Variants in OR51B2 observed in about 807,000 individuals in gnomAD.
The protein encoded by OR51B2 is olfactory receptor 51B2.
For synonymous variants in OR51B2, 158 were observed against 135.3 expected (o/e 1.17, Z -1.16); for missense variants, 463 against 380.1 (o/e 1.22, Z -1.81).
chr11:5,323,544 T>G lies in OR51B2; in HGVS notation c.754A>C (p.Thr252Pro), dbSNP rs1564906285. ...HISCVLIFYV[T>P]VMGLTFIYRF... ...TAAATGAATGTCAAACCCATCACTG[T>G]AACATAGAAGATAAGAACACAACTA... The change falls in exon 1 of 1, where the codon ACA becomes CCA. Residue 252 changes from threonine to proline, a missense_variant. Coordinates refer to ENST00000624187, the MANE Select transcript of OR51B2 (RefSeq NM_033180.5). 1.2e-6 allele frequency: 2 copies of G among 1,613,536 alleles called. No homozygotes were observed. Among genetic ancestry groups the G allele is most frequent in the Non-Finnish European group, 1.7e-6 (2 of 1,179,664 alleles).
chr11:5,324,018 C>G lies in OR51B2; in HGVS notation c.280G>C (p.Gly94Arg), dbSNP rs1296066063. 2 of 1,613,862 alleles carry G rather than the reference C, an allele frequency of 1.2e-6. No individual in the cohort carries two copies. The highest frequency in any genetic ancestry group is 2.2e-5 in the East Asian group (1 of 44,864). The change falls in exon 1 of 1, where the codon GGC becomes CGC. Residue 94 changes from glycine (G) to arginine (R), a missense_variant. Gly to Arg is a moderately radical substitution (Grantham distance 125, BLOSUM62 -2). Transcript: ENST00000624187. Reference sequence around the variant, plus strand: ...ATAAAGTAAGCCTGTAGGAAGCAGCCCACACTGCTAATCTCCCTGTGATTC... The same window carrying G: ...ATAAAGTAAGCCTGTAGGAAGCAGCGCACACTGCTAATCTCCCTGTGATTC... ...WVNHREISSVGCFLQAYFIHS... is the reference protein window; with the variant it reads ...WVNHREISSVRCFLQAYFIHS...
Position 5,323,794 on chromosome 11 carries a change from T to C in OR51B2, c.504A>G (p.Lys168=). The change falls in exon 1 of 1, where the codon AAA becomes AAG. Residue 168 remains lysine, a synonymous_variant. Transcript: ENST00000624187. ...AGAAAGCACGTGTGATAACATGAGA[T>C]TTGCAATATGAAAATGAAAAAAGAC... The part of the protein sequence containing the change: ...ILRLFSFSYC[K]SHVITRAFCL... 1 of 1,613,756 alleles carries C rather than the reference T, an allele frequency of 6.2e-7. No homozygotes were observed. The highest frequency in any genetic ancestry group is 8.5e-7 in the Non-Finnish European group (1 of 1,179,928).
Position 5,323,614 on chromosome 11 carries a change from AGAAGCAATGCCTAT to A in OR51B2, c.670_683del (p.Ile224TrpfsTer2). On this transcript the variant is annotated frameshift_variant, in exon 1 of 1. Transcript: ENST00000624187. LOFTEE classifies it low-confidence loss of function (END_TRUNC). The stretch of plus-strand genomic sequence containing the variant: ...TGAGGGCTTTGGCTCTCTCTTCACC[AGAAGCAATGCCTAT>A]GACAGTATTAAGAATTAGAATATAG... The A allele has an allele frequency of 6.2e-7, 1 of 1,612,840 alleles. No individual in the cohort carries two copies. The highest frequency in any genetic ancestry group is 1.1e-5 in the South Asian group (1 of 91,072).
chr11:5,323,524 G>C lies in OR51B2; in HGVS notation c.774C>G (p.Phe258Leu), dbSNP rs766644942. ...IFYVTVMGLT[F>L]IYRFGKNVPE... ...GCACATTCTTCCCAAATCTGTAAAT[G>C]AATGTCAAACCCATCACTGTAACAT... The change falls in exon 1 of 1, where the codon TTC becomes TTG. Residue 258 changes from phenylalanine to leucine, a missense_variant. Physicochemically the swap from Phe to Leu is conservative, Grantham distance 22. Coordinates refer to ENST00000624187, the MANE Select transcript of OR51B2 (RefSeq NM_033180.5). The C allele has an allele frequency of 3.1e-6, 5 of 1,613,632 alleles. No homozygotes were observed. The highest frequency in any genetic ancestry group is 1.1e-5 in the South Asian group (1 of 91,060).
At position 5,324,258 on chromosome 11, in the gene OR51B2, C is replaced by T. The variant is rs755631059; in HGVS notation, c.40G>A (p.Gly14Ser). ...TGAGCTGCCTCCAGCCCTGGAAAGC[C>T]AGTCAGCAAAAAAGGGGCTGCAGTA... ...NITAAPFLLTGFPGLEAAHHW... is the reference protein window; with the variant it reads ...NITAAPFLLTSFPGLEAAHHW... Residue 14 changes from glycine (G) to serine (S), a missense_variant, in exon 1 of 1, where the codon GGC becomes AGC. Gly to Ser is a moderately conservative substitution (Grantham distance 56). Transcript: ENST00000624187. 1.9e-6 allele frequency: 3 copies of T among 1,608,742 alleles called. No individual in the cohort carries two copies. In the Admixed American group the frequency reaches 5.1e-5, roughly 28 times the overall value.
At position 5,323,452 on chromosome 11, in the gene OR51B2, A is replaced by G; in HGVS notation, c.846T>C (p.Pro282=). The change falls in exon 1 of 1, where the codon CCT becomes CCC. Residue 282 remains proline (P), a synonymous_variant. Transcript: ENST00000624187. ...IIMSYIYFLF[P]PLMNPVIYSI... is the part of the protein sequence containing the mutation. Reference sequence around the variant, plus strand: ...TGTAGATGACAGGGTTCATTAAAGGAGGAAAGAGGAAGTAGATGTAACTCA... The same window carrying G: ...TGTAGATGACAGGGTTCATTAAAGGGGGAAAGAGGAAGTAGATGTAACTCA... 6.2e-7 allele frequency: 1 copy of G among 1,613,504 alleles called. No homozygotes were observed. The highest frequency in any genetic ancestry group is 1.3e-5 in the African/African-American group (1 of 75,016).
At position 5,324,164 on chromosome 11, in the gene OR51B2, T is replaced by A. The variant is rs1299436453; in HGVS notation, c.134A>T (p.Tyr45Phe). The A allele has an allele frequency of 6.2e-7, 1 of 1,613,802 alleles. No homozygotes were observed. The highest frequency in any genetic ancestry group is 1.1e-5 in the South Asian group (1 of 91,058). ...AAGACTGTGGTCATGCTTGATGAGG[T>A]AGAGGAGCATGCCATTGCCCAGAAG... is the stretch of plus-strand genomic sequence containing the variant. ...CILLGNGMLLYLIKHDHSLHE... is the reference protein window; with the variant it reads ...CILLGNGMLLFLIKHDHSLHE... The change falls in exon 1 of 1, where the codon TAC becomes TTC. Residue 45 changes from tyrosine to phenylalanine, a missense_variant. Coordinates refer to ENST00000624187, the MANE Select transcript of OR51B2 (RefSeq NM_033180.5).
At position 5,324,064 on chromosome 11, in the gene OR51B2, A is replaced by G. The variant is rs779498626; in HGVS notation, c.234T>C (p.Thr78=). The change falls in exon 1 of 1, where the codon ACT becomes ACC. Residue 78 remains threonine, a synonymous_variant. Coordinates refer to ENST00000624187, the MANE Select transcript of OR51B2 (RefSeq NM_033180.5). ...GATTCACCCATAGGATGCCCATTAC[A>G]GTAGGCATCGTGGTCAATGTCACCA... ...DLMVTLTTMP[T]VMGILWVNHR... The G allele has an allele frequency of 4.3e-6, 7 of 1,613,912 alleles. No homozygotes were observed. The highest frequency in any genetic ancestry group is 3.3e-5 in the South Asian group (3 of 91,072).
Position 5,323,623 on chromosome 11 carries a change from G to A in OR51B2, c.675C>T (p.Gly225=), listed in dbSNP as rs1324211400. 1 of 1,611,870 alleles carries A rather than the reference G, an allele frequency of 6.2e-7. No individual in the cohort carries two copies. Among genetic ancestry groups the A allele is most frequent in the African/African-American group, 1.3e-5 (1 of 74,860 alleles). The change falls in exon 1 of 1, where the codon GGC becomes GGT. Residue 225 remains glycine, a synonymous_variant. Transcript: ENST00000624187. The part of the protein sequence containing the change: ...SYILILNTVI[G]IASGEERAKA... ...TGGCTCTCTCTTCACCAGAAGCAAT[G>A]CCTATGACAGTATTAAGAATTAGAA...
rs765875773 is a variant in OR51B2, at chr11:5,323,735, G to A, written c.563C>T (p.Ala188Val). 1 of 1,613,436 alleles carries A rather than the reference G, an allele frequency of 6.2e-7. No homozygotes were observed. Among genetic ancestry groups the A allele is most frequent in the African/African-American group, 1.3e-5 (1 of 74,802 alleles). Residue 188 changes from alanine (A) to valine (V), a missense_variant, in exon 1 of 1, where the codon GCT becomes GTT. Physicochemically the swap from Ala to Val is moderately conservative, Grantham distance 64. Transcript: ENST00000624187. ...GTAAAGTCTATTGAAAGTTATGTCA[G>A]CACAAGCCAGTCTCATGATTTCTTG... is the stretch of plus-strand genomic sequence containing the variant. ...LHQEIMRLAC[A>V]DITFNRLYPV...
Position 5,324,229 on chromosome 11 carries a change from G to T in OR51B2, c.69C>A (p.His23Gln), listed in dbSNP as rs1848710710. Reference protein sequence around the residue: ...TGFPGLEAAHHWISIPFFAVY... With the variant: ...TGFPGLEAAHQWISIPFFAVY... ...CAGCAAAGAAGGGGATGGAGATCCA[G>T]TGATGAGCTGCCTCCAGCCCTGGAA... The change falls in exon 1 of 1, where the codon CAC becomes CAA. Residue 23 changes from histidine to glutamine, a missense_variant. Physicochemically the swap from His to Gln is conservative, Grantham distance 24. Coordinates refer to ENST00000624187, the MANE Select transcript of OR51B2 (RefSeq NM_033180.5). 2 of 1,613,816 alleles carry T rather than the reference G, an allele frequency of 1.2e-6. No individual in the cohort carries two copies. The highest frequency in any genetic ancestry group is 2.2e-5 in the South Asian group (2 of 91,070).
Position 5,324,074 on chromosome 11 carries a change from G to A in OR51B2, c.224C>T (p.Thr75Met), listed in dbSNP as rs747897739. Reference sequence around the variant, plus strand: ...TAGGATGCCCATTACAGTAGGCATCGTGGTCAATGTCACCATGAGGTCTGT... The same window carrying A: ...TAGGATGCCCATTACAGTAGGCATCATGGTCAATGTCACCATGAGGTCTGT... ...AGTDLMVTLT[T>M]MPTVMGILWV... The change falls in exon 1 of 1, where the codon ACG (threonine) becomes ATG (methionine). Residue 75 changes from threonine (T) to methionine (M), a missense_variant. Transcript: ENST00000624187. 12 of 1,613,728 alleles carry A rather than the reference G, an allele frequency of 7.4e-6. No individual in the cohort carries two copies. The highest frequency in any genetic ancestry group is 6.7e-5 in the Admixed American group (4 of 59,952).
At position 5,323,554 on chromosome 11, in the gene OR51B2, G is replaced by C. The variant is rs779676714; in HGVS notation, c.744C>G (p.Ile248Met). ...TCISHISCVL[I>M]FYVTVMGLTF... ...TCAAACCCATCACTGTAACATAGAA[G>C]ATAAGAACACAACTAATGTGGGAGA... is the stretch of plus-strand genomic sequence containing the variant. The change falls in exon 1 of 1, where the codon ATC (isoleucine) becomes ATG (methionine). Residue 248 changes from isoleucine (I) to methionine (M), a missense_variant. Physicochemically the swap from Ile to Met is conservative, Grantham distance 10 (BLOSUM62 1). Coordinates refer to ENST00000624187, the MANE Select transcript of OR51B2 (RefSeq NM_033180.5). 2.5e-6 allele frequency: 4 copies of C among 1,613,522 alleles called. No individual in the cohort carries two copies. In the African/African-American group the frequency reaches 5.3e-5, roughly 22 times the overall value.
At position 5,323,601 on chromosome 11, in the gene OR51B2, C is replaced by A; in HGVS notation, c.697G>T (p.Ala233Ser). The change falls in exon 1 of 1, where the codon GCC becomes TCC. Residue 233 changes from alanine to serine, a missense_variant. By Grantham distance (99) the Ala-to-Ser change is moderately conservative (BLOSUM62 1). Transcript: ENST00000624187. ...VIGIASGEER[A>S]KALNTCISHI... Reference sequence around the variant, plus strand: ...GAGATACAGGTATTGAGGGCTTTGGCTCTCTCTTCACCAGAAGCAATGCCT... The same window carrying A: ...GAGATACAGGTATTGAGGGCTTTGGATCTCTCTTCACCAGAAGCAATGCCT... 1 of 1,613,024 alleles carries A rather than the reference C, an allele frequency of 6.2e-7. No homozygotes were observed. Among genetic ancestry groups the A allele is most frequent in the Non-Finnish European group, 8.5e-7 (1 of 1,179,144 alleles).
Position 5,324,220 on chromosome 11 carries a change from G to A in OR51B2, c.78C>T (p.Ser26=). Residue 26 remains serine, a synonymous_variant, in exon 1 of 1, where the codon TCC becomes TCT. Transcript: ENST00000624187. ...PGLEAAHHWI[S]IPFFAVYVCI... Reference sequence around the variant, plus strand: ...ACACATAAACAGCAAAGAAGGGGATGGAGATCCAGTGATGAGCTGCCTCCA... The same window carrying A: ...ACACATAAACAGCAAAGAAGGGGATAGAGATCCAGTGATGAGCTGCCTCCA... 1 of 1,613,932 alleles carries A rather than the reference G, an allele frequency of 6.2e-7. No individual in the cohort carries two copies. The highest frequency in any genetic ancestry group is 8.5e-7 in the Non-Finnish European group (1 of 1,179,878).
chr11:5,323,987 G>C lies in OR51B2; in HGVS notation c.311C>G (p.Ser104Cys). 1 of 1,613,968 alleles carries C rather than the reference G, an allele frequency of 6.2e-7. No individual in the cohort carries two copies. The highest frequency in any genetic ancestry group is 8.5e-7 in the Non-Finnish European group (1 of 1,179,974). Residue 104 changes from serine (S) to cysteine (C), a missense_variant, in exon 1 of 1, where the codon TCC becomes TGC. By Grantham distance (112) the Ser-to-Cys change is moderately radical. Coordinates refer to ENST00000624187, the MANE Select transcript of OR51B2 (RefSeq NM_033180.5). ...GGAACCTGATTCCACAACAGAAAGG[G>C]AGTGAATAAAGTAAGCCTGTAGGAA... ...GCFLQAYFIH[S>C]LSVVESGSLL...
rs755204482 is a variant in OR51B2 at position 5,323,990 on chromosome 11, T to G, written c.308A>C (p.His103Pro). 1.6e-5 allele frequency: 26 copies of G among 1,612,034 alleles called. No homozygotes were observed. Among genetic ancestry groups the G allele is most frequent in the African/African-American group, 6.7e-5 (5 of 74,198 alleles). ...ACCTGATTCCACAACAGAAAGGGAG[T>G]GAATAAAGTAAGCCTGTAGGAAGCA... is the stretch of plus-strand genomic sequence containing the variant. Reference protein sequence around the residue: ...VGCFLQAYFIHSLSVVESGSL... With the variant: ...VGCFLQAYFIPSLSVVESGSL... Residue 103 changes from histidine (H) to proline (P), a missense_variant, in exon 1 of 1, where the codon CAC becomes CCC. Coordinates refer to ENST00000624187, the MANE Select transcript of OR51B2 (RefSeq NM_033180.5).
chr11:5,324,144 T>A lies in OR51B2; in HGVS notation c.154A>T (p.Ser52Cys). 6.2e-7 allele frequency: 1 copy of A among 1,614,026 alleles called. No individual in the cohort carries two copies. The highest frequency in any genetic ancestry group is 8.5e-7 in the Non-Finnish European group (1 of 1,179,950). ...AAGTAGTACATGGGCTCATGAAGAC[T>A]GTGGTCATGCTTGATGAGGTAGAGG... ...MLLYLIKHDHSLHEPMYYFLT... is the reference protein window; with the variant it reads ...MLLYLIKHDHCLHEPMYYFLT... The change falls in exon 1 of 1, where the codon AGT becomes TGT. Residue 52 changes from serine to cysteine, a missense_variant. Ser to Cys is a moderately radical substitution (Grantham distance 112). Transcript: ENST00000624187.
chr11:5,323,667 T>A lies in OR51B2; in HGVS notation c.631A>T (p.Ile211Phe). Residue 211 changes from isoleucine (I) to phenylalanine (F), a missense_variant, in exon 1 of 1, where the codon ATC (isoleucine) becomes TTC (phenylalanine). Ile to Phe is a conservative substitution (Grantham distance 21). Transcript: ENST00000624187. ...ATTAGAATATAGGAGAAGAGGATGATCAGACAGTCTAGGAAGATTGTTAAA... is the reference window on the plus strand; with the variant it reads ...ATTAGAATATAGGAGAAGAGGATGAACAGACAGTCTAGGAAGATTGTTAAA... ...ISLTIFLDCLIILFSYILILN... is the reference protein window; with the variant it reads ...ISLTIFLDCLFILFSYILILN... The A allele has an allele frequency of 1.2e-6, 2 of 1,613,160 alleles. No individual in the cohort carries two copies. Among genetic ancestry groups the A allele is most frequent in the Non-Finnish European group, 1.7e-6 (2 of 1,179,382 alleles).
Sources: gnomAD v4.1 joint callset for allele counts on GRCh38, gnomAD v4.1.1 for gene constraint, MANE v1.5 for transcripts, NCBI Gene and HGNC (gene_info 2026-07-23, HGNC 2026-07-21) for gene names.